The following KLF3 variants were observed in gnomAD, a reference collection of about 807,000 sequenced individuals.
The protein encoded by KLF3 is KLF transcription factor 3.
In KLF3, 6 loss-of-function variants were observed where a neutral mutation model predicts 32.7. The ratio of observed to expected loss-of-function variants is 0.18; its 90% CI spans 0.10 to 0.36. KLF3 has a LOEUF of 0.36. KLF3 is among the 10% of genes least tolerant of loss of function. The pLI is 1.00. For missense variants in KLF3, 338 were observed against 449.7 expected (o/e 0.75, Z 2.25); for synonymous variants, 145 against 172.8 (o/e 0.84, Z 1.26).
rs375331147 is a variant in KLF3, at chr4:38,688,744, C to G, written c.217C>G (p.Pro73Ala). Reference sequence around the variant, plus strand: ...CACGGTGAACAAGCGGAGTTCACCCCCTTCGGCTGGGAATTCGCCCTCCTC... The same window carrying G: ...CACGGTGAACAAGCGGAGTTCACCCGCTTCGGCTGGGAATTCGCCCTCCTC... ...DLTVNKRSSP[P>A]SAGNSPSSLK... The change falls in exon 3 of 6, where the codon CCT (proline) becomes GCT (alanine). Residue 73 changes from proline to alanine, a missense_variant. Pro to Ala is a conservative substitution (Grantham distance 27). This residue lies in a region of KLF3 where 272 missense variants were observed against 313.4 expected (regional missense o/e 0.87). Coordinates refer to ENST00000261438, the MANE Select transcript of KLF3 (RefSeq NM_016531.6). This position sits in a 1 kb window ranked among gnomAD's most constrained non-coding sequence, Gnocchi z 4.9. 9 of 1,614,096 alleles carry G rather than the reference C, an allele frequency of 5.6e-6. No homozygotes were observed. Among genetic ancestry groups the G allele is most frequent in the Admixed American group, 5.0e-5 (3 of 60,000 alleles).
chr4:38,680,878 C>T, intron 2 of KLF3, 196 bp downstream of exon 2: 3 of 431,668 alleles, frequency 6.9e-6, no homozygotes, highest in South Asian at 6.7e-5. Context: ...TGAAGAAACC[C>T]CGTCTCTACT....
At chr4:38,681,521 G>T (rs1243416383) in intron 2 of KLF3, among the ~76,000 whole-genome samples, 2 of 152,218 alleles carry the variant, frequency 1.3e-5, no homozygotes, top group African/African-American at 4.8e-5. Context: ...TGGGAGCCAG[G>T]CCACTGGCTG....
rs1169651701 is a variant in KLF3 at position 38,671,595 on chromosome 4, G to C, written c.-40+7134G>C. ...GTGGTGTAATGTTGTCCTCTGCCTG[G>C]GGAGGTGGAAGAGTGGTGTGCCAAG... On this transcript the variant is annotated intron_variant, in intron 1 of 5. Transcript: ENST00000261438. The surrounding 1 kb of genome is among the most constrained non-coding windows in gnomAD (Gnocchi z 4.4). Among the ~76,000 whole-genome samples the C allele has an allele frequency of 6.6e-6, 1 of 152,160 alleles. No homozygotes were observed.
intron 2 of KLF3, among the ~76,000 whole-genome samples, chr4:38,681,467 G>A (rs1163056756): frequency 2.6e-5 from 4 of 152,318 alleles, no homozygotes; most frequent in African/African-American, 7.2e-5. Context: ...TAGGAATTAC[G>A]TTCATTGTCC....
intron 4 of KLF3, among the ~76,000 whole-genome samples, chr4:38,691,489 C>T (rs1172604136): frequency 1.3e-5 from 2 of 152,198 alleles, no homozygotes; most frequent in Non-Finnish European, 2.9e-5. Flanking sequence ...AAACCAACTG[C>T]CTCCAAGGGA....
intron 1 of KLF3, among the ~76,000 whole-genome samples, chr4:38,675,599 A>G (rs2109241406): frequency 6.6e-6 from 1 of 152,318 alleles, no homozygotes; most frequent in East Asian, 1.9e-4. Context: ...CCCACATAAA[A>G]TGATTAATAG....
At chr4:38,666,181 T>A (rs1293888223) in intron 1 of KLF3, among the ~76,000 whole-genome samples, 1 of 152,166 alleles carries the variant, frequency 6.6e-6, no homozygotes, top group East Asian at 1.9e-4. Flanking sequence ...AACATTTAGC[T>A]TGCATGAAAG....
Position 38,699,021 on chromosome 4 carries a change from T to C in KLF3, c.*1758T>C, listed in dbSNP as rs1465192934. 6.6e-6 allele frequency: 1 copy of C among 152,220 alleles called. No homozygotes were observed. Among genetic ancestry groups the C allele is most frequent in the Non-Finnish European group, 1.5e-5 (1 of 68,044 alleles). The allele number at this position is 152,220 out of a possible 1,614,324, so 9.4% of individuals were successfully genotyped here. On this transcript the variant is annotated 3_prime_UTR_variant, in exon 6 of 6. Coordinates refer to ENST00000261438, the MANE Select transcript of KLF3 (RefSeq NM_016531.6). ...CCTGTGAATTGTGTGGGGAGCTTGC[T>C]TTGATGGCACTGTGTTAATAAAAGT...
At chr4:38,693,006 A>T (rs1722916781) in intron 4 of KLF3, among the ~76,000 whole-genome samples, 1 of 148,008 alleles carries the variant, frequency 6.8e-6, no homozygotes, top group South Asian at 2.1e-4. Context: ...CCTTATAAAA[A>T]CTCTGTCTGT....
chr4:38,694,563 A>G (rs1722993937), intron 4 of KLF3, among the ~76,000 whole-genome samples, 183 bp from the exon 5 acceptor site: 1 of 152,110 alleles, frequency 6.6e-6, no homozygotes, highest in Non-Finnish European at 1.5e-5. Flanking sequence ...GTAGGTGCTC[A>G]CTCAATGTTT....
At chr4:38,682,862 G>T (rs182535732) in intron 2 of KLF3, among the ~76,000 whole-genome samples, 14 of 152,282 alleles carry the variant, frequency 9.2e-5, no homozygotes, top group Admixed American at 2.0e-4. Context: ...GACACTTTTA[G>T]AATTTAGTTT....
chr4:38,695,016 A>G, intron 5 of KLF3, 110 bp downstream of exon 5: 2 of 955,488 alleles, frequency 2.1e-6, no homozygotes, highest in Admixed American at 5.5e-5. Context: ...CACCACAGTC[A>G]TCTCCAGATG....
At position 38,699,481 on chromosome 4, in the gene KLF3, ATG is replaced by A. The variant is rs776211702; in HGVS notation, c.*2224_*2225del. ...TTGTTTTGACCGAGGTAACCAGTTT[ATG>A]TGTGTTCCAATCCATAGAGAAGTGG... On this transcript the variant is annotated 3_prime_UTR_variant, in exon 6 of 6. Coordinates refer to ENST00000261438, the MANE Select transcript of KLF3 (RefSeq NM_016531.6). 9 of 152,224 alleles carry A rather than the reference ATG, an allele frequency of 5.9e-5. No homozygotes were observed. Among genetic ancestry groups the A allele is most frequent in the African/African-American group, 1.2e-4 (5 of 41,456 alleles). 9.4% of individuals were successfully genotyped at this position (152,224 alleles called of 1,614,324 possible).
At chr4:38,679,617 C>T (rs1195795423) in intron 1 of KLF3, among the ~76,000 whole-genome samples, 1 of 152,180 alleles carries the variant, frequency 6.6e-6, no homozygotes, top group African/African-American at 2.4e-5. Flanking sequence ...AACTTAGAAG[C>T]AACCCTAAGT....
intron 1 of KLF3, among the ~76,000 whole-genome samples, chr4:38,673,778 A>G (rs1402139702): frequency 2.0e-5 from 3 of 152,116 alleles, no homozygotes; most frequent in East Asian, 1.9e-4. Flanking sequence ...TGCAAAATCA[A>G]TTGCTTCACT....
At chr4:38,687,602 G>A (rs569454406) in intron 2 of KLF3, among the ~76,000 whole-genome samples, 6 of 152,332 alleles carry the variant, frequency 3.9e-5, no homozygotes, top group African/African-American at 1.2e-4. Context: ...TTGTGCCCCA[G>A]CCTCATTTGA....
chr4:38,688,503 G>A lies in KLF3; in HGVS notation c.58-82G>A. The stretch of plus-strand genomic sequence containing the variant: ...AGCCCATGTAATTGTTAAGTGCCTT[G>A]TTAGCATATTTTTCTTAATTCATGT... On this transcript the variant is annotated intron_variant, in intron 2 of 5. Coordinates refer to ENST00000261438, the MANE Select transcript of KLF3 (RefSeq NM_016531.6). The surrounding 1 kb of genome is among the most constrained non-coding windows in gnomAD (Gnocchi z 4.9). The A allele has an allele frequency of 1.5e-6, 2 of 1,361,254 alleles. No individual in the cohort carries two copies. Among genetic ancestry groups the A allele is most frequent in the South Asian group, 2.8e-5 (2 of 70,830 alleles). The allele number at this position is 1,361,254 out of a possible 1,614,324, so 84.3% of individuals were successfully genotyped here. A position where few individuals can be genotyped will look rare whatever the true frequency, so the allele number is the denominator to read the frequency against.
chr4:38,681,820 T>C (rs1468459275), intron 2 of KLF3, among the ~76,000 whole-genome samples: 2 of 152,220 alleles, frequency 1.3e-5, no homozygotes, highest in Non-Finnish European at 2.9e-5. Flanking sequence ...ATCATCCTTG[T>C]GCATGGGCTC....
rs372657986 is a variant in KLF3 at position 38,694,858 on chromosome 4, G to A, written c.808G>A (p.Val270Met). 3 of 1,607,170 alleles carry A rather than the reference G, an allele frequency of 1.9e-6. No homozygotes were observed. The highest frequency in any genetic ancestry group is 1.1e-5 in the South Asian group (1 of 89,640). Residue 270 changes from valine (V) to methionine (M), a missense_variant, in exon 5 of 6, where the codon GTG becomes ATG. Val to Met is a conservative substitution (Grantham distance 21). This residue lies in a region of KLF3 where 66 missense variants were observed against 136.2 expected (regional missense o/e 0.48). Coordinates refer to ENST00000261438, the MANE Select transcript of KLF3 (RefSeq NM_016531.6). ...ATGTGATTATGATGGATGCAACAAA[G>A]TGTACACTAAAAGCTCCCACTTGAA... Reference protein sequence around the residue: ...HRCDYDGCNKVYTKSSHLKAH... With the variant: ...HRCDYDGCNKMYTKSSHLKAH...
Sources: allele counts gnomAD v4.1 joint callset (sites outside exome capture counted in the v4.1 genomes callset), GRCh38; gene constraint gnomAD v4.1.1; regional missense constraint gnomAD v4.1.1; non-coding constraint Gnocchi (gnomAD v3.1); transcripts MANE v1.5; gene names NCBI Gene and HGNC (gene_info 2026-07-23, HGNC 2026-07-21).